The following RNF216 variants were observed in gnomAD, a reference collection of about 807,000 sequenced individuals.
The protein encoded by RNF216 is ring finger protein 216.
In RNF216, 72 loss-of-function variants were observed where a neutral mutation model predicts 110.8. The observed-to-expected ratio is 0.65, with a 90% CI of 0.54 to 0.79. The LOEUF (loss-of-function observed/expected upper bound fraction) is 0.79, where lower values mean the gene tolerates loss of function less well. RNF216 is among the 30% of genes least tolerant of loss of function. The probability of loss-of-function intolerance (pLI) is 0.00; values close to 1 mark genes in which losing one functional copy is unlikely to be tolerated. For missense variants in RNF216, 1,342 were observed against 1,141.2 expected (o/e 1.18, Z -2.54); for synonymous variants, 495 against 407.5 (o/e 1.21, Z -2.59).
intron 13 of RNF216, among the ~76,000 whole-genome samples, chr7:5,690,511 AC>A (rs545871185): frequency 4.6e-5 from 7 of 152,244 alleles, no homozygotes; most frequent in Non-Finnish European, 1.0e-4. Context: ...CTCTCCCTGC[AC>A]CATCTACCAC....
chr7:5,722,619 C>T (rs1266233498), intron 8 of RNF216, among the ~76,000 whole-genome samples: 6 of 151,106 alleles, frequency 4.0e-5, no homozygotes, highest in Non-Finnish European at 5.9e-5. Context: ...CTTGATCTCC[C>T]GACCTCGTGA....
intron 15 of RNF216, among the ~76,000 whole-genome samples, chr7:5,633,067 C>T (rs771525128): frequency 7.9e-5 from 12 of 151,834 alleles, no homozygotes; most frequent in Non-Finnish European, 1.8e-4. Flanking sequence ...GCAACCTCCG[C>T]CTCCCGGGTT....
intron 15 of RNF216, among the ~76,000 whole-genome samples, chr7:5,625,602 T>C (rs887332687): frequency 2.0e-5 from 3 of 152,208 alleles, no homozygotes; most frequent in African/African-American, 7.2e-5. Flanking sequence ...AAATGAGTGA[T>C]TTCCCCACAC....
intron 13 of RNF216, among the ~76,000 whole-genome samples, chr7:5,687,320 T>C (rs1464903705): frequency 7.3e-6 from 1 of 136,242 alleles, no homozygotes; most frequent in Non-Finnish European, 1.5e-5. Flanking sequence ...CACTTGAACC[T>C]GGGAGGCGGA....
rs1339060167 is a variant in RNF216, at chr7:5,624,089, C to T, written c.2419G>A (p.Glu807Lys). 1.9e-6 allele frequency: 3 copies of T among 1,613,766 alleles called. No individual in the cohort carries two copies. The highest frequency in any genetic ancestry group is 2.5e-6 in the Non-Finnish European group (3 of 1,180,002). Residue 807 changes from glutamate (E) to lysine (K), a missense_variant, in exon 16 of 17, where the codon GAG becomes AAG. By Grantham distance (56) the Glu-to-Lys change is moderately conservative (BLOSUM62 1). Coordinates refer to ENST00000389902, the MANE Select transcript of RNF216 (RefSeq NM_207111.4). This position sits in a 1 kb window ranked among gnomAD's most constrained non-coding sequence, Gnocchi z 4.4. Reference protein sequence around the residue: ...DEKLIEEIQKEAEEEQKRKNG... With the variant: ...DEKLIEEIQKKAEEEQKRKNG... The stretch of plus-strand genomic sequence containing the variant: ...TTTCTTTTCTGTTCCTCTTCAGCCT[C>T]CTTCTGGATTTCCTCAATAAGCTTC...
chr7:5,692,456 G>T (rs1317876238), intron 13 of RNF216, among the ~76,000 whole-genome samples: 1 of 152,204 alleles, frequency 6.6e-6, no homozygotes, highest in Non-Finnish European at 1.5e-5. Flanking sequence ...AAACAGTCTT[G>T]AATTCTAACT....
At chr7:5,712,549 A>C (rs1188803409) in intron 12 of RNF216, among the ~76,000 whole-genome samples, 166 bp downstream of exon 12, 1 of 152,186 alleles carries the variant, frequency 6.6e-6, no homozygotes, top group Non-Finnish European at 1.5e-5. Context: ...TCTGAGGCGT[A>C]AAAAATAAAA....
chr7:5,757,351 A>G (rs914350144), intron 2 of RNF216, among the ~76,000 whole-genome samples: 5 of 152,104 alleles, frequency 3.3e-5, no homozygotes, highest in African/African-American at 1.2e-4. Context: ...AACTCTATCA[A>G]TGCTTCTGGC....
intron 13 of RNF216, among the ~76,000 whole-genome samples, chr7:5,656,837 G>C (rs1433746251): frequency 6.6e-6 from 1 of 152,202 alleles, no homozygotes; most frequent in Non-Finnish European, 1.5e-5. Context: ...GATGGGAGCT[G>C]AAATTTCTTC....
intron 1 of RNF216, chr7:5,780,392 T>C (rs1288864259): frequency 6.6e-6 from 1 of 152,120 alleles, no homozygotes; most frequent in Non-Finnish European, 1.5e-5. Context: ...CGCTTCTTAC[T>C]GAAGGGCCCG....
intron 13 of RNF216, 96 bp from the exon 14 acceptor site, chr7:5,652,606 G>T: frequency 1.3e-6 from 1 of 796,334 alleles, no homozygotes; most frequent in Non-Finnish European, 2.2e-6. Flanking sequence ...GCTTTACTTG[G>T]CTTGAATTCT....
intron 2 of RNF216, 81 bp from the exon 3 acceptor site, chr7:5,753,060 C>A: frequency 6.9e-7 from 1 of 1,441,532 alleles, no homozygotes; most frequent in Non-Finnish European, 9.3e-7. Flanking sequence ...GACAGGGGTA[C>A]AGCCTAAAGC....
rs773037026 is a variant in RNF216 at position 5,725,295 on chromosome 7, C to A, written c.1504+29G>T. ...AAGAAAAGGTACAGTGTTGCAGCTA[C>A]ACACTGCCACCAACACAGTTTGCAT... is the stretch of plus-strand genomic sequence containing the variant. On this transcript the variant is annotated intron_variant, in intron 8 of 16. Transcript: ENST00000389902. 19 of 1,273,056 alleles carry A rather than the reference C, an allele frequency of 1.5e-5. No homozygotes were observed. The Admixed American group carries it at 3.2e-4, about 22-fold the overall frequency. The allele number at this position is 1,273,056 out of a possible 1,614,324, so 78.9% of individuals were successfully genotyped here.
intron 5 of RNF216, among the ~76,000 whole-genome samples, chr7:5,737,206 T>C (rs1442467419): frequency 6.6e-6 from 1 of 152,250 alleles, no homozygotes; most frequent in Non-Finnish European, 1.5e-5. Context: ...GGGATGCTGT[T>C]GATCTATTAC....
At chr7:5,759,847 G>A (rs531652745) in intron 2 of RNF216, among the ~76,000 whole-genome samples, 58 of 151,980 alleles carry the variant, frequency 3.8e-4, no homozygotes, top group African/African-American at 1.4e-3. Flanking sequence ...TGGTCAGGCT[G>A]GTCTCGAACT....
intron 6 of RNF216, 108 bp downstream of exon 6, chr7:5,730,607 A>G (rs1794028659): frequency 6.5e-7 from 1 of 1,534,718 alleles, no homozygotes; most frequent in Non-Finnish European, 8.8e-7. Flanking sequence ...GTCTTTAAAA[A>G]CTTGTCCCAA....
At chr7:5,714,420 G>C (rs1199585898) in intron 11 of RNF216, among the ~76,000 whole-genome samples, 1 of 152,000 alleles carries the variant, frequency 6.6e-6, no homozygotes, top group Non-Finnish European at 1.5e-5. Flanking sequence ...CACCAGGTCT[G>C]GCTAATCTTG....
chr7:5,768,193 G>A (rs888780873), intron 1 of RNF216, among the ~76,000 whole-genome samples: 3 of 151,156 alleles, frequency 2.0e-5, no homozygotes, highest in African/African-American at 7.3e-5. Flanking sequence ...GCTCATGCCT[G>A]TAATCCTAGC....
intron 5 of RNF216, among the ~76,000 whole-genome samples, chr7:5,737,753 A>T (rs1794511513): frequency 6.6e-6 from 1 of 152,040 alleles, no homozygotes; most frequent in Non-Finnish European, 1.5e-5. Flanking sequence ...ACAGTATAAG[A>T]TAGGAACTTT....
Sources: allele counts gnomAD v4.1 joint callset (sites outside exome capture counted in the v4.1 genomes callset), GRCh38; gene constraint gnomAD v4.1.1; non-coding constraint Gnocchi (gnomAD v3.1); transcripts MANE v1.5; gene names NCBI Gene and HGNC (gene_info 2026-07-23, HGNC 2026-07-21).